The following ROBO2 variants were observed in gnomAD, a reference collection of about 807,000 sequenced individuals.
ROBO2 encodes the protein roundabout homolog 2.
A neutral mutation model predicts 160.8 loss-of-function variants in ROBO2; 53 were observed. The observed-to-expected ratio is 0.33, with a 90% CI of 0.26 to 0.41. The LOEUF is 0.41. ROBO2 is among the 10% of genes least tolerant of loss of function. The pLI is 1.00. For synonymous variants in ROBO2, 664 were observed against 611.7 expected, an observed-to-expected ratio of 1.09 and a Z score of -1.26; for missense variants, 1,577 against 1,722.4, an observed-to-expected ratio of 0.92 and a Z score of 1.49.
intron 2 of ROBO2, among the ~76,000 whole-genome samples, chr3:76,630,591 G>T (rs2089971840): frequency 6.6e-6 from 1 of 152,264 alleles, no homozygotes; most frequent in South Asian, 2.1e-4. Flanking sequence ...TAAGGTAGAA[G>T]TTTCTAAGAA....
chr3:76,499,904 A>C (rs2107627156), intron 2 of ROBO2, among the ~76,000 whole-genome samples: 1 of 152,086 alleles, frequency 6.6e-6, no homozygotes, highest in East Asian at 1.9e-4. Flanking sequence ...GTGTGCTGAT[A>C]TACAAATAAG....
chr3:76,280,945 T>C (rs919790691), intron 2 of ROBO2, among the ~76,000 whole-genome samples: 2 of 151,938 alleles, frequency 1.3e-5, no homozygotes, highest in African/African-American at 4.8e-5. Context: ...GGTGGGAATA[T>C]GTACTGGAGC....
At chr3:77,125,205 C>G (rs780786439) in intron 2 of ROBO2, among the ~76,000 whole-genome samples, 7 of 151,972 alleles carry the variant, frequency 4.6e-5, no homozygotes, top group Non-Finnish European at 8.8e-5. Context: ...GTGGAAAAAC[C>G]ATATTAACTA....
chr3:76,693,673 A>G lies in ROBO2; in HGVS notation c.110-404341A>G, dbSNP rs181671589. Among the ~76,000 whole-genome samples the G allele has an allele frequency of 1.8e-3, 280 of 152,168 alleles. 1 individual carries two copies. Among genetic ancestry groups the G allele is most frequent in the African/African-American group, 6.2e-3 (257 of 41,526 alleles). On this transcript the variant is annotated intron_variant, in intron 2 of 26. Transcript: ENST00000487694. Reference sequence around the variant, plus strand: ...AGAGGAGTTGATCGTGTATCTCTCAATCTCTCAGCCTGAGGCCAAAGCCTG... The same window carrying G: ...AGAGGAGTTGATCGTGTATCTCTCAGTCTCTCAGCCTGAGGCCAAAGCCTG...
At chr3:76,169,880 A>G (rs1175260148) in intron 2 of ROBO2, among the ~76,000 whole-genome samples, 1 of 152,114 alleles carries the variant, frequency 6.6e-6, no homozygotes, top group Admixed American at 6.6e-5. Context: ...TCCTGGGTTC[A>G]TGTCATTCTC....
chr3:76,857,512 C>A (rs2070256469), intron 2 of ROBO2, among the ~76,000 whole-genome samples: 1 of 152,064 alleles, frequency 6.6e-6, no homozygotes, highest in African/African-American at 2.4e-5. Context: ...TTATGACATA[C>A]CGATTTGTGT....
At chr3:76,255,502 T>A (rs979771154) in intron 2 of ROBO2, among the ~76,000 whole-genome samples, 42 of 152,126 alleles carry the variant, frequency 2.8e-4, no homozygotes, top group Non-Finnish European at 5.4e-4. Context: ...CAGGAACTGG[T>A]CTCCAAAATT....
At chr3:76,783,839 A>G (rs538236853) in intron 2 of ROBO2, among the ~76,000 whole-genome samples, 2 of 151,094 alleles carry the variant, frequency 1.3e-5, no homozygotes, top group Admixed American at 6.6e-5. Flanking sequence ...TTCTTCTGGA[A>G]CTTTTATAAT....
chr3:77,638,422 A>G (rs999259838), intron 24 of ROBO2, among the ~76,000 whole-genome samples: 3 of 152,194 alleles, frequency 2.0e-5, no homozygotes, highest in African/African-American at 4.8e-5. Flanking sequence ...AAGACAGAAC[A>G]TGAGTGGTTG....
At chr3:77,327,711 T>A (rs1390657666) in intron 2 of ROBO2, among the ~76,000 whole-genome samples, 1 of 151,964 alleles carries the variant, frequency 6.6e-6, no homozygotes, top group African/African-American at 2.4e-5. Context: ...AGCAATGAAA[T>A]TTCAAAAACT....
chr3:77,215,623 G>T (rs1473857333), intron 2 of ROBO2, among the ~76,000 whole-genome samples: 1 of 152,186 alleles, frequency 6.6e-6, no homozygotes, highest in Non-Finnish European at 1.5e-5. Flanking sequence ...TGCTGGTGAG[G>T]AGCTGCGTTC....
intron 2 of ROBO2, among the ~76,000 whole-genome samples, chr3:76,352,293 G>A (rs1246913353): frequency 1.3e-5 from 2 of 151,940 alleles, no homozygotes; most frequent in Non-Finnish European, 2.9e-5. Flanking sequence ...TGACAAAGTG[G>A]CTATGACTAG....
chr3:76,757,193 A>C (rs2061024412), intron 2 of ROBO2, among the ~76,000 whole-genome samples: 1 of 151,774 alleles, frequency 6.6e-6, no homozygotes, highest in Non-Finnish European at 1.5e-5. Context: ...GTTATATTTA[A>C]TTTGGGTTTA....
intron 2 of ROBO2, among the ~76,000 whole-genome samples, chr3:76,707,921 C>A (rs1246605382): frequency 6.6e-6 from 1 of 151,862 alleles, no homozygotes; most frequent in African/African-American, 2.4e-5. Context: ...GAATCTTGAA[C>A]TATATATGTG....
chr3:77,240,301 C>G (rs956975688), intron 2 of ROBO2, among the ~76,000 whole-genome samples: 2 of 152,160 alleles, frequency 1.3e-5, no homozygotes, highest in East Asian at 3.9e-4. Context: ...CTGGGGGACC[C>G]GGCGCTCCCT....
chr3:76,046,449 A>C (rs1485680378), intron 2 of ROBO2, among the ~76,000 whole-genome samples: 1 of 151,886 alleles, frequency 6.6e-6, no homozygotes, highest in African/African-American at 2.4e-5. Context: ...GGAGATCGAG[A>C]CCATCCCGGC....
chr3:77,387,743 G>A (rs977385667), intron 2 of ROBO2, among the ~76,000 whole-genome samples: 2 of 152,014 alleles, frequency 1.3e-5, no homozygotes, highest in African/African-American at 2.4e-5. Context: ...CCCACAGGTA[G>A]CTACTCTATG....
rs142659732 is a variant in ROBO2 at position 76,193,258 on chromosome 3, A to G, written c.109+255656A>G. Among the ~76,000 whole-genome samples the G allele has an allele frequency of 2.3e-3, 349 of 152,182 alleles. 1 individual carries two copies. The highest frequency in any genetic ancestry group is 8.2e-3 in the African/African-American group (339 of 41,538). On this transcript the variant is annotated intron_variant, in intron 2 of 26. Coordinates refer to the ROBO2 transcript ENST00000487694. ...AAAGTCTTTGTATTTGGTGGTATTC[A>G]CTTTCAGATATGTTTCTGCTCTTTC...
At chr3:77,441,947 T>C (rs1371332796) in intron 2 of ROBO2, among the ~76,000 whole-genome samples, 1 of 152,204 alleles carries the variant, frequency 6.6e-6, no homozygotes, top group East Asian at 1.9e-4. Flanking sequence ...ATTTTTTATC[T>C]TAAATGTGTT....
Sources: gnomAD v4.1 joint callset for allele counts (sites outside exome capture counted in the v4.1 genomes callset) on GRCh38, gnomAD v4.1.1 for gene constraint, MANE v1.5 for transcripts, NCBI Gene and HGNC (gene_info 2026-07-23, HGNC 2026-07-21) for gene names.